The following FECH variants were observed in gnomAD, a reference collection of about 807,000 sequenced individuals.
FECH encodes the protein ferrochelatase, mitochondrial.
Under a neutral mutation model 56.9 loss-of-function variants are expected in FECH, and 40 were observed. The ratio of observed to expected loss-of-function variants is 0.70; its 90% confidence interval spans 0.55 to 0.92. The LOEUF is 0.92. FECH is among the 40% of genes least tolerant of loss of function. The pLI is 0.00. For synonymous variants in FECH, 175 were observed against 198.6 expected (o/e 0.88, Z 1.00); for missense variants, 431 against 529.1 (o/e 0.81, Z 1.82).
At chr18:57,560,996 C>G (rs1185037694) in intron 6 of FECH, among the ~76,000 whole-genome samples, 2 of 152,022 alleles carry the variant, frequency 1.3e-5, no homozygotes, top group Non-Finnish European at 2.9e-5. Context: ...AATGTAAATT[C>G]TCAGCAAATG....
chr18:57,570,031 T>TTGTGTG lies in FECH; in HGVS notation c.463+1360_463+1361insCACACA, dbSNP rs1317904142. On this transcript the variant is annotated intron_variant, in intron 4 of 10. Transcript: ENST00000262093. ...GTTGCTGTTGTTGTTGTTGTTGTTG[T>TTGTGTG]CGTGTGTGTGTGTGTGTGTGTGTGT... Among the ~76,000 whole-genome samples, 9 of 79,124 alleles carry TTGTGTG rather than the reference T, an allele frequency of 1.1e-4. 1 individual carries two copies. The South Asian group carries it at 4.1e-3, about 36-fold the overall frequency. 51.9% of individuals were successfully genotyped at this position (79,124 alleles called of 152,430 possible).
chr18:57,565,147 C>T (rs2050999826), intron 5 of FECH, among the ~76,000 whole-genome samples: 1 of 152,206 alleles, frequency 6.6e-6, no homozygotes, highest in African/African-American at 2.4e-5. Flanking sequence ...ATGTAAATAA[C>T]AATCTTCTTA....
intron 4 of FECH, 113 bp downstream of exon 4, chr18:57,571,279 C>T: frequency 5.3e-6 from 6 of 1,133,466 alleles, no homozygotes; most frequent in Non-Finnish European, 7.8e-6. Context: ...GTAGAAACAC[C>T]ACAAATTGAG....
intron 4 of FECH, among the ~76,000 whole-genome samples, chr18:57,568,761 C>T (rs1288818013): frequency 6.6e-6 from 1 of 152,182 alleles, no homozygotes; most frequent in Non-Finnish European, 1.5e-5. Context: ...ATTAATTTAG[C>T]ATGTACAATA....
At chr18:57,554,447 C>T (rs142832225) in intron 8 of FECH, 23 bp from the exon 9 acceptor site, 87 of 1,613,766 alleles carry the variant, frequency 5.4e-5, no homozygotes, top group Non-Finnish European at 7.3e-5. Flanking sequence ...TAGACGAATG[C>T]GTAAGTGGAC....
At position 57,554,413 on chromosome 18, in the gene FECH, C is replaced by T. The variant is rs747914337; in HGVS notation, c.924G>A (p.Met308Ile). The change falls in exon 9 of 11, where the codon ATG (methionine) becomes ATA (isoleucine). Residue 308 changes from methionine to isoleucine, a missense_variant. Transcript: ENST00000262093. The stretch of plus-strand genomic sequence containing the variant: ...CGTCTGTTTGAGGACCCAACCAGGG[C>T]ATTGGACCAACCTATGCGAAAGATA... ...RLVWQSKVGP[M>I]PWLGPQTDES... The T allele has an allele frequency of 6.2e-7, 1 of 1,614,186 alleles. No homozygotes were observed. Among genetic ancestry groups the T allele is most frequent in the South Asian group, 1.1e-5 (1 of 91,078 alleles).
intron 4 of FECH, 111 bp downstream of exon 4, chr18:57,571,281 C>A: frequency 8.7e-7 from 1 of 1,150,586 alleles, no homozygotes; most frequent in South Asian, 1.3e-5. Flanking sequence ...AGAAACACCA[C>A]AAATTGAGTT....
At chr18:57,560,832 A>T (rs2050934734) in intron 6 of FECH, among the ~76,000 whole-genome samples, 1 of 152,224 alleles carries the variant, frequency 6.6e-6, no homozygotes, top group South Asian at 2.1e-4. Context: ...GTATTTTGAT[A>T]CATCAGTGGT....
intron 9 of FECH, among the ~76,000 whole-genome samples, chr18:57,553,381 C>T (rs2050824580): frequency 1.3e-5 from 2 of 152,152 alleles, no homozygotes; most frequent in Admixed American, 6.5e-5. Flanking sequence ...GTTCTGCCCC[C>T]ACCCACTCTC....
intron 7 of FECH, among the ~76,000 whole-genome samples, chr18:57,557,571 A>C (rs1204544813): frequency 6.6e-6 from 1 of 152,210 alleles, no homozygotes; most frequent in Non-Finnish European, 1.5e-5. Context: ...TGGGAGGCCA[A>C]GGTGAGTGGC....
In FECH at chr18:57,559,320, T is replaced by C. The variant is rs76807808; in HGVS notation, c.706-77A>G. ...AAGGAAAAAGAAAATAATTTTAAAA[T>C]GAAGCCTACACCAAAAATCTCAGAG... On this transcript the variant is annotated intron_variant, in intron 6 of 10. Coordinates refer to ENST00000262093, the MANE Select transcript of FECH (RefSeq NM_000140.5). 5,500 of 1,071,702 alleles carry C rather than the reference T, an allele frequency of 5.1e-3. 199 individuals carry two copies. The East Asian group carries it at 0.089, about 17-fold the overall frequency. 66.4% of individuals were successfully genotyped at this position (1,071,702 alleles called of 1,614,324 possible).
rs1475775321 is a variant in FECH, at chr18:57,546,489, A to G, written c.*4223T>C. 6.6e-6 allele frequency among the ~76,000 whole-genome samples: 1 copy of G among 152,106 alleles called. No individual in the cohort carries two copies. The highest frequency in any genetic ancestry group is 6.5e-5 in the Admixed American group (1 of 15,270). On this transcript the variant is annotated 3_prime_UTR_variant, in exon 11 of 11. Transcript: ENST00000262093. Reference sequence around the variant, plus strand: ...TCTCTCACCCTTTGTGGGTAATAATAATATACTTTGGATAAGCACAATGGC... The same window carrying G: ...TCTCTCACCCTTTGTGGGTAATAATGATATACTTTGGATAAGCACAATGGC...
In FECH at chr18:57,550,617, A is replaced by G. The variant is rs1215149488; in HGVS notation, c.*95T>C. The G allele has an allele frequency of 2.0e-5, 30 of 1,473,958 alleles. No individual in the cohort carries two copies. In the Admixed American group the frequency reaches 3.9e-4, roughly 19 times the overall value. The allele number at this position is 1,473,958 out of a possible 1,614,324, so 91.3% of individuals were successfully genotyped here. ...GCTGTATATATATCAAGGAAGGATG[A>G]CTTCCTTCCTTGATCTCTAAATAAC... is the stretch of plus-strand genomic sequence containing the variant. On this transcript the variant is annotated 3_prime_UTR_variant, in exon 11 of 11. Coordinates refer to ENST00000262093, the MANE Select transcript of FECH (RefSeq NM_000140.5).
At chr18:57,576,686 GCAAA>G (rs1394031200) in intron 2 of FECH, among the ~76,000 whole-genome samples, 9 of 152,222 alleles carry the variant, frequency 5.9e-5, no homozygotes, top group African/African-American at 2.2e-4. Flanking sequence ...TCATGGTTTT[GCAAA>G]CGCATGTTGA....
chr18:57,558,835 T>C (rs1172435042), intron 7 of FECH, among the ~76,000 whole-genome samples: 1 of 152,042 alleles, frequency 6.6e-6, no homozygotes, highest in African/African-American at 2.4e-5. Flanking sequence ...GCAAGAGAAC[T>C]GCTTGAGCCC....
chr18:57,582,007 A>T (rs954429694), intron 1 of FECH, among the ~76,000 whole-genome samples: 10 of 78,744 alleles, frequency 1.3e-4, no homozygotes, highest in East Asian at 4.1e-4. Context: ...TTGGTGTTTT[A>T]AAAAAAAAAA....
chr18:57,552,453 T>A (rs540178780), intron 9 of FECH, among the ~76,000 whole-genome samples: 5 of 152,072 alleles, frequency 3.3e-5, no homozygotes, highest in African/African-American at 4.8e-5. Flanking sequence ...CAGGCTGGAG[T>A]GCAGTAGTGC....
rs1376165527 is a variant in FECH, at chr18:57,549,693, A to T, written c.*1019T>A. On this transcript the variant is annotated 3_prime_UTR_variant, in exon 11 of 11. Transcript: ENST00000262093. ...TACCACGAAATACAATATTATGATA[A>T]CAGTTATTGCATTAAAGTGGTTACT... 1 of 152,224 alleles carries T rather than the reference A, an allele frequency of 6.6e-6. No homozygotes were observed. Among genetic ancestry groups the T allele is most frequent in the African/African-American group, 2.4e-5 (1 of 41,460 alleles). The allele number at this position is 152,224 out of a possible 1,614,324, so 9.4% of individuals were successfully genotyped here.
Position 57,545,059 on chromosome 18 carries a change from T to C in FECH, c.*5653A>G, listed in dbSNP as rs1401596225. Among the ~76,000 whole-genome samples, 1 of 152,164 alleles carries C rather than the reference T, an allele frequency of 6.6e-6. No individual in the cohort carries two copies. Among genetic ancestry groups the C allele is most frequent in the East Asian group, 1.9e-4 (1 of 5,192 alleles). On this transcript the variant is annotated 3_prime_UTR_variant, in exon 11 of 11. Coordinates refer to ENST00000262093, the MANE Select transcript of FECH (RefSeq NM_000140.5). ...AGGTTAAATCTATTCTTTCTTAACA[T>C]GACAGGAAAGTAAAGCTTTGACCCG...
Sources: allele counts gnomAD v4.1 joint callset (sites outside exome capture counted in the v4.1 genomes callset), GRCh38; gene constraint gnomAD v4.1.1; transcripts MANE v1.5; gene names NCBI Gene and HGNC (gene_info 2026-07-23, HGNC 2026-07-21).